The following ATP6V1H variants were observed in gnomAD, a reference collection of about 807,000 sequenced individuals.
The protein encoded by ATP6V1H is ATPase H+ transporting V1 subunit H, also known as V-type proton ATPase subunit H.
Under a neutral mutation model 71.7 loss-of-function variants are expected in ATP6V1H, and 39 were observed. The ratio of observed to expected loss-of-function variants is 0.54; its 90% CI spans 0.42 to 0.71. The LOEUF is 0.71. Ranked by LOEUF, ATP6V1H falls within the 30% of genes least tolerant of loss-of-function variation. The pLI is 0.00. For missense variants in ATP6V1H, 509 were observed against 594.9 expected (o/e 0.86, Z 1.50); for synonymous variants, 192 against 199.3 (o/e 0.96, Z 0.31).
intron 4 of ATP6V1H, among the ~76,000 whole-genome samples, chr8:53,825,957 C>T (rs1186936758): frequency 6.6e-6 from 1 of 151,720 alleles, no homozygotes; most frequent in African/African-American, 2.4e-5. Flanking sequence ...TAAGCTAAGA[C>T]AAAAAGGTAA....
intron 4 of ATP6V1H, among the ~76,000 whole-genome samples, chr8:53,827,443 A>G (rs1250959662): frequency 1.3e-5 from 2 of 152,170 alleles, no homozygotes; most frequent in African/African-American, 4.8e-5. Flanking sequence ...GAAAAAACTA[A>G]AATAGAATAC....
intron 11 of ATP6V1H, among the ~76,000 whole-genome samples, chr8:53,766,843 A>G (rs1332480889): frequency 6.6e-6 from 1 of 152,194 alleles, no homozygotes; most frequent in African/African-American, 2.4e-5. Context: ...ATCAATGACA[A>G]TGGTGCCTGA....
At chr8:53,756,799 A>AT in intron 11 of ATP6V1H, 143 bp from the exon 12 acceptor site, 1 of 546,602 alleles carries the variant, frequency 1.8e-6, no homozygotes, top group Non-Finnish European at 3.1e-6. Flanking sequence ...ACTATTAGAC[A>AT]TAAGTTTGCA....
chr8:53,786,013 C>T (rs2130381081), intron 9 of ATP6V1H, among the ~76,000 whole-genome samples: 2 of 152,342 alleles, frequency 1.3e-5, no homozygotes, highest in South Asian at 4.1e-4. Flanking sequence ...GTAGTCTGCC[C>T]ATTCTCAGAT....
chr8:53,742,688 C>A (rs532790678), intron 13 of ATP6V1H, among the ~76,000 whole-genome samples: 1 of 152,316 alleles, frequency 6.6e-6, no homozygotes, highest in African/African-American at 2.4e-5. Context: ...TAATATGTAA[C>A]ACATGATACC....
intron 9 of ATP6V1H, among the ~76,000 whole-genome samples, chr8:53,794,499 G>A (rs1809667722): frequency 1.3e-5 from 2 of 152,076 alleles, no homozygotes; most frequent in Admixed American, 1.3e-4. Context: ...CTGAGCAGCT[G>A]GGATTACAGG....
intron 9 of ATP6V1H, among the ~76,000 whole-genome samples, chr8:53,790,508 A>C (rs1809533437): frequency 6.6e-6 from 1 of 152,228 alleles, no homozygotes; most frequent in South Asian, 2.1e-4. Flanking sequence ...TTCGAAGGGT[A>C]TTATCATGTG....
At chr8:53,831,021 G>A (rs1585836750) in intron 3 of ATP6V1H, among the ~76,000 whole-genome samples, 1 of 152,106 alleles carries the variant, frequency 6.6e-6, no homozygotes. Flanking sequence ...CATAAACCAA[G>A]TTAAAAATTC....
intron 11 of ATP6V1H, among the ~76,000 whole-genome samples, chr8:53,763,895 A>G (rs116859440): frequency 1.3e-5 from 2 of 152,330 alleles, no homozygotes; most frequent in East Asian, 3.9e-4. Flanking sequence ...ACTCATTGCT[A>G]AAGATTTAAC....
chr8:53,829,427 G>C lies in ATP6V1H; in HGVS notation c.306+17C>G, dbSNP rs756183983. The C allele has an allele frequency of 1.9e-6, 3 of 1,567,084 alleles. No homozygotes were observed. Among genetic ancestry groups the C allele is most frequent in the African/African-American group, 1.4e-5 (1 of 73,764 alleles). On this transcript the variant is annotated intron_variant, in intron 4 of 13. Coordinates refer to ENST00000359530, the MANE Select transcript of ATP6V1H (RefSeq NM_015941.4). Reference sequence around the variant, plus strand: ...AAAATGAAGTCACCAAATGTGTTAAGTAAAGAATATACCTACCTGCAGCAT... The same window carrying C: ...AAAATGAAGTCACCAAATGTGTTAACTAAAGAATATACCTACCTGCAGCAT...
Position 53,830,191 on chromosome 8 carries a change from A to G in ATP6V1H, c.217-658T>C, listed in dbSNP as rs115555432. 3.0e-3 allele frequency among the ~76,000 whole-genome samples: 454 copies of G among 152,298 alleles called. 3 individuals are homozygous for G. Among genetic ancestry groups the G allele is most frequent in the African/African-American group, 0.01 (432 of 41,558 alleles). ...ATCAAAACACTCTATAAAATCCCTTAAATCACCCCCCAAAAAACATAGTTT... is the reference window on the plus strand; with the variant it reads ...ATCAAAACACTCTATAAAATCCCTTGAATCACCCCCCAAAAAACATAGTTT... On this transcript the variant is annotated intron_variant, in intron 3 of 13. Transcript: ENST00000359530.
intron 10 of ATP6V1H, among the ~76,000 whole-genome samples, chr8:53,771,649 C>A (rs1397844672): frequency 6.6e-6 from 1 of 152,170 alleles, no homozygotes; most frequent in Non-Finnish European, 1.5e-5. Flanking sequence ...CATATACAGG[C>A]AAACCTCCTC....
chr8:53,827,509 G>T (rs1397008313), intron 4 of ATP6V1H, among the ~76,000 whole-genome samples: 2 of 137,686 alleles, frequency 1.5e-5, no homozygotes, highest in East Asian at 1.9e-4. Flanking sequence ...TCTGAAACTT[G>T]AACACAGTAT....
chr8:53,801,630 A>G (rs909448495), intron 8 of ATP6V1H, among the ~76,000 whole-genome samples, 169 bp downstream of exon 8: 3 of 152,178 alleles, frequency 2.0e-5, no homozygotes. Flanking sequence ...AAGCAAGGAA[A>G]GGGGCTCAGT....
intron 9 of ATP6V1H, among the ~76,000 whole-genome samples, chr8:53,778,706 G>C (rs1478812130): frequency 6.6e-6 from 1 of 152,100 alleles, no homozygotes; most frequent in Non-Finnish European, 1.5e-5. Context: ...TAAAATGGTA[G>C]GCCTAAATCC....
intron 4 of ATP6V1H, among the ~76,000 whole-genome samples, chr8:53,818,827 T>A (rs1810538723): frequency 6.6e-6 from 1 of 152,210 alleles, no homozygotes; most frequent in South Asian, 2.1e-4. Context: ...GAAAAAAAAT[T>A]ATTATAAATA....
chr8:53,770,545 G>T (rs1481447731), intron 10 of ATP6V1H, among the ~76,000 whole-genome samples: 2 of 152,116 alleles, frequency 1.3e-5, no homozygotes, highest in Non-Finnish European at 2.9e-5. Context: ...GGTACCATTT[G>T]AATAAAGTAG....
intron 9 of ATP6V1H, among the ~76,000 whole-genome samples, chr8:53,774,199 G>T (rs1404187253): frequency 6.6e-6 from 1 of 152,246 alleles, no homozygotes; most frequent in Admixed American, 6.5e-5. Context: ...CCCATGCAAA[G>T]GCATAGCATT....
chr8:53,729,617 GTGGAA>G (rs1456013982), intron 13 of ATP6V1H, among the ~76,000 whole-genome samples: 2 of 152,226 alleles, frequency 1.3e-5, no homozygotes, highest in African/African-American at 4.8e-5. Context: ...GGAAGGGAGT[GTGGAA>G]TGGAGCCCAG....
Sources: gnomAD v4.1 joint callset for allele counts (sites outside exome capture counted in the v4.1 genomes callset) on GRCh38, gnomAD v4.1.1 for gene constraint, MANE v1.5 for transcripts, NCBI Gene and HGNC (gene_info 2026-07-23, HGNC 2026-07-21) for gene names.